Variants in UTRN observed in about 807,000 individuals in gnomAD.
The protein encoded by UTRN is dystrophin-related protein 1.
Under a neutral mutation model 463.9 loss-of-function variants are expected in UTRN, and 283 were observed. The ratio of observed to expected loss-of-function variants is 0.61; its 90% CI spans 0.55 to 0.67. The LOEUF (loss-of-function observed/expected upper bound fraction) is 0.67, where lower values mean the gene tolerates loss of function less well. Ranked by LOEUF, UTRN falls within the 30% of genes least tolerant of loss-of-function variation. The probability of loss-of-function intolerance (pLI) is 0.00; values close to 1 mark genes in which losing one functional copy is unlikely to be tolerated. For synonymous variants in UTRN, 1,442 were observed against 1,431.5 expected (o/e 1.01, Z -0.17); for missense variants, 3,922 against 4,084.3 (o/e 0.96, Z 1.08).
chr6:144,827,471 T>TA (rs1355350505), intron 67 of UTRN, 85 bp downstream of exon 67: 2 of 1,603,360 alleles, frequency 1.2e-6, no homozygotes, highest in Non-Finnish European at 1.7e-6. Context: ...TGGTCTAAAA[T>TA]AATACTTCTG....
intron 65 of UTRN, among the ~76,000 whole-genome samples, chr6:144,817,207 G>A (rs1779164075): frequency 6.6e-6 from 1 of 152,168 alleles, no homozygotes; most frequent in African/African-American, 2.4e-5. Context: ...AAATGAGATT[G>A]AAGGAAAACA....
At position 144,291,843 on chromosome 6, in the gene UTRN, A is replaced by G; in HGVS notation, c.15A>G (p.Gly5=). ...ACTCTGGCAAGATGGCCAAGTATGG[A>G]GAACATGAAGCCAGTCCTGACAATG... MAKY[G]EHEASPDNGQ... is the part of the protein sequence containing the mutation. The change falls in exon 2 of 75, where the codon GGA becomes GGG. Residue 5 remains glycine, a synonymous_variant. Coordinates refer to ENST00000367545, the MANE Select transcript of UTRN (RefSeq NM_007124.3). The G allele has an allele frequency of 1.9e-6, 3 of 1,613,156 alleles. No homozygotes were observed. Among genetic ancestry groups the G allele is most frequent in the Middle Eastern group, 1.7e-4 (1 of 6,060 alleles).
Position 144,624,852 on chromosome 6 carries a change from A to T in UTRN, c.7479+47564A>T, listed in dbSNP as rs118071201. The stretch of plus-strand genomic sequence containing the variant: ...ATGCTTGATGAGGCAGTGAGTCTAG[A>T]TCGTTTTTGACAGTGAAATCAAATA... On this transcript the variant is annotated intron_variant, in intron 51 of 74. Transcript: ENST00000367545. 4.2e-4 allele frequency among the ~76,000 whole-genome samples: 64 copies of T among 152,336 alleles called. No homozygotes were observed. The East Asian group carries it at 0.01, about 25-fold the overall frequency.
intron 2 of UTRN, among the ~76,000 whole-genome samples, chr6:144,363,697 T>C (rs180966212): frequency 6.6e-6 from 1 of 152,304 alleles, no homozygotes; most frequent in Admixed American, 6.5e-5. Flanking sequence ...CAAAGTACCA[T>C]ATGAATTCAA....
intron 2 of UTRN, among the ~76,000 whole-genome samples, chr6:144,396,709 C>G (rs1416571915): frequency 1.3e-5 from 2 of 152,070 alleles, no homozygotes; most frequent in Non-Finnish European, 2.9e-5. Context: ...CTCCATAAAA[C>G]AGGTTTTTAA....
intron 51 of UTRN, among the ~76,000 whole-genome samples, chr6:144,604,940 A>G (rs995084147): frequency 6.8e-6 from 1 of 147,110 alleles, no homozygotes; most frequent in African/African-American, 2.5e-5. Context: ...AATGAAAAAT[A>G]AACGACAAAA....
In UTRN at chr6:144,513,943, A is replaced by T; in HGVS notation, c.4979A>T (p.Asn1660Ile). The T allele has an allele frequency of 1.2e-6, 2 of 1,614,006 alleles. No homozygotes were observed. The highest frequency in any genetic ancestry group is 1.7e-6 in the Non-Finnish European group (2 of 1,179,948). ...HQNQLEIFDG[N>I]VAHISTWLYQ... ...AACCAGCTAGAAATATTTGATGGGA[A>T]CGTGGCTCACATAAGTACCTGGCTT... The change falls in exon 36 of 75, where the codon AAC (asparagine) becomes ATC (isoleucine). Residue 1660 changes from asparagine (N) to isoleucine (I), a missense_variant. Asn to Ile is a moderately radical substitution (Grantham distance 149, BLOSUM62 -3). Around this residue, in one of 3 missense-constraint regions of UTRN, gnomAD observed 2,349 missense variants for 2,303.8 expected, o/e 1.02. Transcript: ENST00000367545.
chr6:144,405,554 G>A (rs1421693869), intron 3 of UTRN, among the ~76,000 whole-genome samples: 1 of 152,016 alleles, frequency 6.6e-6, no homozygotes, highest in African/African-American at 2.4e-5. Flanking sequence ...ATGTCCTTTG[G>A]TACATTGTGG....
rs1251209815 is a variant in UTRN, at chr6:144,593,772, A to G, written c.7479+16484A>G. Among the ~76,000 whole-genome samples the G allele has an allele frequency of 3.3e-5, 5 of 152,164 alleles. No homozygotes were observed. The East Asian group carries it at 9.6e-4, about 29-fold the overall frequency. On this transcript the variant is annotated intron_variant, in intron 51 of 74. Transcript: ENST00000367545. ...ACAAAGTTCATTCATTTACATTTTT[A>G]TATTAATAAAAAAGTTGCCCTTTTG... is the stretch of plus-strand genomic sequence containing the variant.
chr6:144,820,885 A>G lies in UTRN; in HGVS notation c.9361A>G (p.Thr3121Ala). Reference protein sequence around the residue: ...YPMVEYCIPTTSGEDVRDFTK... With the variant: ...YPMVEYCIPTASGEDVRDFTK... ...GTAATTGTTTTCAACCTTATAGACA[A>G]CATCTGGGGAAGATGTACGAGACTT... The change falls in exon 66 of 75, where the codon ACA becomes GCA. Residue 3121 changes from threonine to alanine, a missense_variant. Thr to Ala is a moderately conservative substitution (Grantham distance 58, BLOSUM62 0). Around this residue, in one of 3 missense-constraint regions of UTRN, gnomAD observed 1,309 missense variants for 1,452.6 expected, o/e 0.90. Coordinates refer to ENST00000367545, the MANE Select transcript of UTRN (RefSeq NM_007124.3). 6.2e-7 allele frequency: 1 copy of G among 1,612,528 alleles called. No homozygotes were observed. Among genetic ancestry groups the G allele is most frequent in the Non-Finnish European group, 8.5e-7 (1 of 1,179,376 alleles).
Position 144,523,253 on chromosome 6 carries a change from GA to G in UTRN, c.5906+66del, listed in dbSNP as rs1278370670. ...CCTGCAAGTTCATGGGCGTGAAGAAGATCATGTGGACACTGAGATTAATGAG... is the reference window on the plus strand; with the variant it reads ...CCTGCAAGTTCATGGGCGTGAAGAAGTCATGTGGACACTGAGATTAATGAG... On this transcript the variant is annotated intron_variant, in intron 41 of 74. Transcript: ENST00000367545. 8 of 1,243,442 alleles carry G rather than the reference GA, an allele frequency of 6.4e-6. No individual in the cohort carries two copies. The Admixed American group carries it at 2.2e-4, about 34-fold the overall frequency. 77.0% of individuals were successfully genotyped at this position (1,243,442 alleles called of 1,614,324 possible). A position where few individuals can be genotyped will look rare whatever the true frequency, so the allele number is the denominator to read the frequency against.
intron 2 of UTRN, among the ~76,000 whole-genome samples, chr6:144,371,967 C>A (rs963781876): frequency 3.3e-5 from 5 of 152,166 alleles, no homozygotes; most frequent in African/African-American, 1.2e-4. Context: ...ATTCTGAATT[C>A]CTTTGTTTCA....
chr6:144,654,665 G>A (rs923929707), intron 51 of UTRN, among the ~76,000 whole-genome samples: 3 of 152,176 alleles, frequency 2.0e-5, no homozygotes, highest in Non-Finnish European at 4.4e-5. Flanking sequence ...ACAGGCTTGT[G>A]CTGTCAGTAG....
At chr6:144,817,640 C>T (rs1043782608) in intron 65 of UTRN, among the ~76,000 whole-genome samples, 15 of 152,062 alleles carry the variant, frequency 9.9e-5, no homozygotes, top group Middle Eastern at 3.4e-3. Context: ...TTTAACATTT[C>T]GGTGCAAAAA....
intron 2 of UTRN, among the ~76,000 whole-genome samples, chr6:144,335,622 G>C (rs2114616145): frequency 6.6e-6 from 1 of 152,296 alleles, no homozygotes; most frequent in African/African-American, 2.4e-5. Flanking sequence ...GCATGGAACA[G>C]AGTAGGCACT....
intron 6 of UTRN, 70 bp from the exon 7 acceptor site, chr6:144,426,217 C>T: frequency 1.3e-6 from 2 of 1,520,094 alleles, no homozygotes; most frequent in Non-Finnish European, 1.8e-6. Context: ...TTTTCAAGGA[C>T]TTCATTGAAG....
chr6:144,373,568 A>G (rs1780194899), intron 2 of UTRN, among the ~76,000 whole-genome samples: 1 of 152,196 alleles, frequency 6.6e-6, no homozygotes, highest in Non-Finnish European at 1.5e-5. Flanking sequence ...TGGGGTGATG[A>G]AAGTGTCTGG....
chr6:144,624,732 C>T (rs1775773520), intron 51 of UTRN, among the ~76,000 whole-genome samples: 1 of 152,144 alleles, frequency 6.6e-6, no homozygotes, highest in Non-Finnish European at 1.5e-5. Context: ...AAATGTGCAG[C>T]AGGCAGTGGT....
intron 53 of UTRN, among the ~76,000 whole-genome samples, chr6:144,720,928 A>G (rs1787079541): frequency 6.6e-6 from 1 of 152,170 alleles, no homozygotes; most frequent in African/African-American, 2.4e-5. Context: ...TTGAGTTTAT[A>G]GCTGATTTTT....
Sources: allele counts gnomAD v4.1 joint callset (sites outside exome capture counted in the v4.1 genomes callset), GRCh38; gene constraint gnomAD v4.1.1; regional missense constraint gnomAD v4.1.1; transcripts MANE v1.5; gene names NCBI Gene and HGNC (gene_info 2026-07-23, HGNC 2026-07-21).